Variants in SLC17A1 observed in about 807,000 individuals in gnomAD.
SLC17A1 encodes solute carrier family 17 member 1.
In SLC17A1, 51 loss-of-function variants were observed where a neutral mutation model predicts 53.5. The ratio of observed to expected loss-of-function variants is 0.95; its 90% confidence interval spans 0.76 to 1.20. SLC17A1 has a LOEUF of 1.20. Among genes scored for constraint, SLC17A1 ranks in the 50% most tolerant of loss-of-function variants. The pLI, the probability that SLC17A1 is intolerant of heterozygous loss-of-function variation, is 0.00. For missense variants in SLC17A1, 538 were observed against 568.2 expected, an observed-to-expected ratio of 0.95 and a Z score of 0.54; for synonymous variants, 179 against 198.8, an observed-to-expected ratio of 0.90 and a Z score of 0.84.
At chr6:25,781,834 G>A (rs946338816), downstream of SLC17A1, among the ~76,000 whole-genome samples, 2 of 152,198 alleles carry the variant, frequency 1.3e-5, no homozygotes, top group African/African-American at 2.4e-5. Context: ...CCAACATTGG[G>A]ATCAAATTTC....
At chr6:25,726,479 A>G in the SLC17A1 span, 2 of 1,613,478 alleles carry the variant, frequency 1.2e-6, no homozygotes, top group Non-Finnish European at 1.7e-6. Flanking sequence ...GAAGAGCGAG[A>G]CTTAGACTTG....
At chr6:25,726,258 A>G in the SLC17A1 span, 1 of 1,614,040 alleles carries the variant, frequency 6.2e-7, no homozygotes, top group East Asian at 2.2e-5. Flanking sequence ...GTTCCTCATC[A>G]TTGCGGATCG....
At chr6:25,793,637 C>T (rs548985911) in intron 12 of SLC17A1, among the ~76,000 whole-genome samples, 57 of 152,110 alleles carry the variant, frequency 3.7e-4, no homozygotes, top group Non-Finnish European at 7.2e-4. Flanking sequence ...TGCTCTATCC[C>T]AGCACCTACA....
At chr6:25,819,178 C>A (rs1211438336) in intron 5 of SLC17A1, 24 bp from the exon 6 acceptor site, 2 of 1,503,950 alleles carry the variant, frequency 1.3e-6, no homozygotes, top group South Asian at 2.5e-5. Flanking sequence ...ACAAAGAACA[C>A]CCCTAATTAA....
chr6:25,828,552 T>G (rs1764833910), intron 2 of SLC17A1, among the ~76,000 whole-genome samples: 1 of 152,066 alleles, frequency 6.6e-6, no homozygotes, highest in Non-Finnish European at 1.5e-5. Flanking sequence ...TAAACCTGAC[T>G]TAGTGTTGGT....
intron 9 of SLC17A1, 42 bp from the exon 10 acceptor site, chr6:25,811,587 G>T: frequency 1.9e-6 from 3 of 1,613,604 alleles, no homozygotes; most frequent in Non-Finnish European, 1.7e-6. Flanking sequence ...GCATCCTAAA[G>T]ATAGGGGAGA....
At chr6:25,725,353 C>A in the SLC17A1 span, among the ~76,000 whole-genome samples, 2 of 152,068 alleles carry the variant, frequency 1.3e-5, no homozygotes, top group African/African-American at 2.4e-5. Context: ...TTCTATTATT[C>A]TTTACAAAGT....
chr6:25,763,579 G>A, the SLC17A1 span, among the ~76,000 whole-genome samples: 1 of 152,064 alleles, frequency 6.6e-6, no homozygotes, highest in African/African-American at 2.4e-5. Context: ...ATCTCCAAAG[G>A]CCACTCATAT....
At chr6:25,783,417 T>A (rs1341183323) in intron 12 of SLC17A1, among the ~76,000 whole-genome samples, 199 bp from the exon 13 acceptor site, 1 of 152,174 alleles carries the variant, frequency 6.6e-6, no homozygotes, top group African/African-American at 2.4e-5. Context: ...GACATAAAAA[T>A]AAATATGGCT....
the SLC17A1 span, among the ~76,000 whole-genome samples, chr6:25,727,523 C>T: frequency 1.3e-5 from 2 of 151,210 alleles, no homozygotes; most frequent in African/African-American, 4.9e-5. Flanking sequence ...TCCTGAGCAG[C>T]TGGGACTACA....
chr6:25,731,334 T>G, the SLC17A1 span, among the ~76,000 whole-genome samples: 3 of 152,358 alleles, frequency 2.0e-5, no homozygotes, highest in Non-Finnish European at 2.9e-5. Flanking sequence ...ACTTGGAGAA[T>G]GTTTTGCACA....
downstream of SLC17A1, among the ~76,000 whole-genome samples, chr6:25,782,745 C>T (rs1763292863): frequency 6.6e-6 from 1 of 152,136 alleles, no homozygotes; most frequent in African/African-American, 2.4e-5. Context: ...AAATGAGTTA[C>T]ATTTCTCCCT....
the SLC17A1 span, among the ~76,000 whole-genome samples, chr6:25,732,308 C>T: frequency 7.2e-5 from 11 of 152,302 alleles, no homozygotes; most frequent in East Asian, 5.8e-4. Flanking sequence ...AAGGCAATAG[C>T]AGTAAGGTTC....
At chr6:25,726,829 C>G in the SLC17A1 span, 7 of 1,490,416 alleles carry the variant, frequency 4.7e-6, no homozygotes, top group African/African-American at 1.4e-5. Flanking sequence ...CTGTTTAATA[C>G]TGAAGAGCTG....
At chr6:25,816,153 G>C (rs1264411992) in intron 6 of SLC17A1, among the ~76,000 whole-genome samples, 1 of 152,118 alleles carries the variant, frequency 6.6e-6, no homozygotes, top group Non-Finnish European at 1.5e-5. Flanking sequence ...GGAAAAAAAT[G>C]ACCTGAAGAG....
At chr6:25,724,266 A>T in the SLC17A1 span, among the ~76,000 whole-genome samples, 2 of 152,170 alleles carry the variant, frequency 1.3e-5, no homozygotes, top group African/African-American at 2.4e-5. Context: ...TCTACTAACA[A>T]TACAAAAGTT....
At position 25,813,178 on chromosome 6, in the gene SLC17A1, C is replaced by G; in HGVS notation, c.652G>C (p.Val218Leu). 6.2e-7 allele frequency: 1 copy of G among 1,614,094 alleles called. No homozygotes were observed. The highest frequency in any genetic ancestry group is 8.5e-7 in the Non-Finnish European group (1 of 1,179,998). ...TCTTTGGGGTCATCATAAAACAGAA[C>G]GAACCAGAGAAGACATACGGCACAG... ...CGCAVCLLWF[V>L]LFYDDPKDHP... The change falls in exon 7 of 13, where the codon GTT becomes CTT. Residue 218 changes from valine to leucine, a missense_variant. By Grantham distance (32) the Val-to-Leu change is conservative. Coordinates refer to ENST00000244527, the MANE Select transcript of SLC17A1 (RefSeq NM_005074.5).
At chr6:25,793,713 G>A (rs73383224) in intron 12 of SLC17A1, among the ~76,000 whole-genome samples, 3,141 of 151,944 alleles carry the variant, frequency 0.021, 92 homozygotes, top group African/African-American at 0.068. Context: ...CTTAATCCAG[G>A]GTCTGTGAAT....
the SLC17A1 span, among the ~76,000 whole-genome samples, chr6:25,730,060 T>C: frequency 1.3e-5 from 2 of 152,188 alleles, no homozygotes; most frequent in African/African-American, 2.4e-5. Context: ...AGATTGAAAA[T>C]GGTAATATTT....
Sources: allele counts gnomAD v4.1 joint callset (sites outside exome capture counted in the v4.1 genomes callset), GRCh38; gene constraint gnomAD v4.1.1; transcripts MANE v1.5; gene names NCBI Gene and HGNC (gene_info 2026-07-23, HGNC 2026-07-21).